Variants in ANO10 observed in about 807,000 individuals in gnomAD.
ANO10 encodes anoctamin 10.
ANO10 carries 77 observed loss-of-function variants against 74.7 expected under a neutral mutation model. The observed-to-expected ratio is 1.03, with a 90% confidence interval of 0.86 to 1.25. The LOEUF is 1.25. ANO10 is among the 50% of genes most tolerant of loss of function. ANO10 has a pLI of 0.00. For synonymous variants in ANO10, 279 were observed against 284.9 expected, an observed-to-expected ratio of 0.98 and a Z score of 0.21; for missense variants, 721 against 778.1, an observed-to-expected ratio of 0.93 and a Z score of 0.87.
intron 11 of ANO10, among the ~76,000 whole-genome samples, chr3:43,546,727 A>G (rs2079209160): frequency 6.6e-6 from 1 of 152,170 alleles, no homozygotes; most frequent in Admixed American, 6.5e-5. Flanking sequence ...ACTTGAAAAT[A>G]CATCAACAGA....
chr3:43,488,556 G>A (rs1380932936), intron 11 of ANO10, among the ~76,000 whole-genome samples: 11 of 150,676 alleles, frequency 7.3e-5, no homozygotes, highest in South Asian at 2.1e-4. Flanking sequence ...GCAGCCAAAA[G>A]ACACATGAAA....
intron 11 of ANO10, among the ~76,000 whole-genome samples, chr3:43,539,846 A>ATTCTGAG (rs1290777071): frequency 3.9e-5 from 6 of 152,198 alleles, no homozygotes; most frequent in African/African-American, 1.2e-4. Context: ...AAACAACTCT[A>ATTCTGAG]TTCTGAGTGT....
chr3:43,550,647 T>C (rs1258876049), intron 10 of ANO10, among the ~76,000 whole-genome samples: 1 of 152,146 alleles, frequency 6.6e-6, no homozygotes, highest in Admixed American at 6.5e-5. Context: ...GGAGAACTTC[T>C]GCCATCTTAC....
intron 4 of ANO10, among the ~76,000 whole-genome samples, chr3:43,589,664 A>T (rs2081638337): frequency 6.6e-6 from 1 of 152,206 alleles, no homozygotes; most frequent in Non-Finnish European, 1.5e-5. Flanking sequence ...TATAGAGAGC[A>T]ATTTGGCAGT....
intron 11 of ANO10, among the ~76,000 whole-genome samples, chr3:43,438,456 A>AG (rs1450947032): frequency 6.6e-6 from 1 of 151,876 alleles, no homozygotes; most frequent in Non-Finnish European, 1.5e-5. Context: ...TAAAAAAAAA[A>AG]AAATTCAGCC....
chr3:43,440,952 C>CA, intron 11 of ANO10, among the ~76,000 whole-genome samples: 2 of 151,684 alleles, frequency 1.3e-5, no homozygotes, highest in East Asian at 3.9e-4. Context: ...ACCAATGAGT[C>CA]AAAAAAGACA....
At chr3:43,536,074 T>C (rs2078697257) in intron 11 of ANO10, among the ~76,000 whole-genome samples, 1 of 152,252 alleles carries the variant, frequency 6.6e-6, no homozygotes, top group African/African-American at 2.4e-5. Context: ...CTTCTTCAGC[T>C]TAAACTCTTA....
At chr3:43,405,790 T>C (rs2092565690) in intron 12 of ANO10, among the ~76,000 whole-genome samples, 1 of 152,144 alleles carries the variant, frequency 6.6e-6, no homozygotes, top group African/African-American at 2.4e-5. Context: ...TTTTTTCAAA[T>C]AGCTAAAATT....
intron 1 of ANO10, among the ~76,000 whole-genome samples, chr3:43,648,846 T>C (rs1348090293): frequency 6.6e-6 from 1 of 151,946 alleles, no homozygotes; most frequent in Non-Finnish European, 1.5e-5. Context: ...CCGGCTAATT[T>C]TTTTGTATTT....
chr3:43,541,106 A>T (rs1389567393), intron 11 of ANO10, among the ~76,000 whole-genome samples: 3 of 152,182 alleles, frequency 2.0e-5, no homozygotes, highest in Non-Finnish European at 4.4e-5. Flanking sequence ...ATCCAAAAAT[A>T]AAAAACCAAC....
intron 3 of ANO10, among the ~76,000 whole-genome samples, chr3:43,599,789 C>G (rs2082251888): frequency 6.6e-6 from 1 of 151,780 alleles, no homozygotes; most frequent in Non-Finnish European, 1.5e-5. Context: ...GCCTGTAGTC[C>G]CAGCTCCTTG....
chr3:43,665,311 G>C (rs1427066757), intron 1 of ANO10, among the ~76,000 whole-genome samples: 1 of 152,100 alleles, frequency 6.6e-6, no homozygotes, highest in Non-Finnish European at 1.5e-5. Flanking sequence ...ACTCGTAAGG[G>C]GGAGTTGAAC....
intron 1 of ANO10, among the ~76,000 whole-genome samples, chr3:43,635,179 A>C (rs545728401): frequency 6.6e-6 from 1 of 152,314 alleles, no homozygotes; most frequent in East Asian, 1.9e-4. Flanking sequence ...CCTAATGCAA[A>C]AGAACAAGGA....
chr3:43,561,454 T>C lies in ANO10; in HGVS notation c.1294-52A>G, dbSNP rs537405688. On this transcript the variant is annotated intron_variant, in intron 8 of 12. Coordinates refer to ENST00000292246, the MANE Select transcript of ANO10 (RefSeq NM_018075.5). ...TTGGGAATACAGCTTAATAAAACTA[T>C]AGCATTTGTATAAATTATATATAAA... The C allele has an allele frequency of 1.4e-5, 20 of 1,460,060 alleles. No individual in the cohort carries two copies. The East Asian group carries it at 3.1e-4, about 23-fold the overall frequency. 90.4% of individuals were successfully genotyped at this position (1,460,060 alleles called of 1,614,324 possible).
At chr3:43,609,831 T>C (rs2082727484) in intron 1 of ANO10, among the ~76,000 whole-genome samples, 1 of 152,144 alleles carries the variant, frequency 6.6e-6, no homozygotes, top group African/African-American at 2.4e-5. Context: ...TATTTAAAAA[T>C]GAATACACCT....
chr3:43,630,653 C>CT (rs1382929269), intron 1 of ANO10, among the ~76,000 whole-genome samples: 1 of 152,152 alleles, frequency 6.6e-6, no homozygotes, highest in East Asian at 1.9e-4. Context: ...AATACTGTCC[C>CT]CCAGAGCACA....
intron 11 of ANO10, among the ~76,000 whole-genome samples, chr3:43,542,506 G>A (rs907972361): frequency 2.6e-5 from 4 of 152,154 alleles, no homozygotes; most frequent in African/African-American, 9.7e-5. Flanking sequence ...ACTAATTGCT[G>A]AAAGAGGAAC....
chr3:43,624,238 C>T (rs1559796242), upstream of ANO10, among the ~76,000 whole-genome samples: 1 of 152,140 alleles, frequency 6.6e-6, no homozygotes. Flanking sequence ...TAGTACTGAA[C>T]CCTGTATATA....
intron 12 of ANO10, 87 bp downstream of exon 12, chr3:43,432,523 GA>G: frequency 8.9e-6 from 11 of 1,235,738 alleles, no homozygotes; most frequent in South Asian, 2.4e-5. Flanking sequence ...CTTCAAGGCT[GA>G]AAAAAATGCT....
Sources: allele counts gnomAD v4.1 joint callset (sites outside exome capture counted in the v4.1 genomes callset), GRCh38; gene constraint gnomAD v4.1.1; transcripts MANE v1.5; gene names NCBI Gene and HGNC (gene_info 2026-07-23, HGNC 2026-07-21).